The following DCP1A variants were observed in gnomAD, a reference collection of about 807,000 sequenced individuals.
DCP1A encodes mRNA-decapping enzyme 1A.
DCP1A carries 20 observed loss-of-function variants against 58.0 expected under a neutral mutation model. The ratio of observed to expected loss-of-function variants is 0.34; its 90% CI spans 0.24 to 0.50. The LOEUF (loss-of-function observed/expected upper bound fraction) is 0.50. DCP1A is among the 20% of genes least tolerant of loss of function. The pLI, the probability that DCP1A is intolerant of heterozygous loss-of-function variation, is 0.98. For synonymous variants in DCP1A, 285 were observed against 275.1 expected (o/e 1.04, Z -0.36); for missense variants, 613 against 712.2 (o/e 0.86, Z 1.59).
intron 5 of DCP1A, among the ~76,000 whole-genome samples, chr3:53,310,900 A>G (rs1707623725): frequency 6.6e-6 from 1 of 152,254 alleles, no homozygotes; most frequent in African/African-American, 2.4e-5. Context: ...TTTAGTCAGA[A>G]GAAACTATCT....
chr3:53,301,215 T>C (rs1261508943), intron 6 of DCP1A, among the ~76,000 whole-genome samples: 2 of 152,184 alleles, frequency 1.3e-5, no homozygotes, highest in African/African-American at 4.8e-5. Flanking sequence ...CATTTTTGGA[T>C]ACATTGTTGA....
chr3:53,336,668 T>C (rs2089121005), intron 3 of DCP1A, among the ~76,000 whole-genome samples: 1 of 152,074 alleles, frequency 6.6e-6, no homozygotes, highest in Non-Finnish European at 1.5e-5. Flanking sequence ...GGGATCTACA[T>C]TTGCTTCTGC....
rs782232472 is a variant in DCP1A at position 53,304,634 on chromosome 3, G to A, written c.511-344C>T. Among the ~76,000 whole-genome samples the A allele has an allele frequency of 1.0e-3, 155 of 152,108 alleles. 3 individuals carry two copies. Among genetic ancestry groups the A allele is most frequent in the South Asian group, 2.1e-3 (10 of 4,808 alleles). On this transcript the variant is annotated intron_variant, in intron 5 of 9. Transcript: ENST00000610213. ...GTTGCCCAGGCTGGACTGCAGTGGC[G>A]CAATCTTGGCTCACTACAACCTCTG...
rs1707394949 is a variant in DCP1A, at chr3:53,304,177, C to G, written c.624G>C (p.Lys208Asn). ...LEEMPSGSQD[K>N]SAPSGHKHLT... ...AAGCTAGAGCTTTAGCTGTACAAAC[C>G]TTATCCTGTGACCCGGAGGGCATTT... Residue 208 changes from lysine to asparagine, a missense_variant and splice_region_variant, in exon 6 of 10, where the codon AAG (lysine) becomes AAC (asparagine). Lys to Asn is a moderately conservative substitution (Grantham distance 94). Coordinates refer to ENST00000610213, the MANE Select transcript of DCP1A (RefSeq NM_018403.7). 6.2e-7 allele frequency: 1 copy of G among 1,608,752 alleles called. No homozygotes were observed.
At chr3:53,329,399 A>T (rs182866562) in intron 3 of DCP1A, 1 of 398,524 alleles carries the variant, frequency 2.5e-6, no homozygotes. Flanking sequence ...AGGAAAAGTG[A>T]TAAGTGAAGC....
intron 5 of DCP1A, among the ~76,000 whole-genome samples, chr3:53,306,423 T>C (rs1707472897): frequency 2.0e-5 from 3 of 152,132 alleles, no homozygotes; most frequent in Admixed American, 1.3e-4. Flanking sequence ...AAGGTATAAA[T>C]GTTCAGAAAC....
At chr3:53,329,557 G>A in intron 3 of DCP1A, 1 of 389,968 alleles carries the variant, frequency 2.6e-6, no homozygotes. Flanking sequence ...TAGACTAGTA[G>A]ATATATGACA....
chr3:53,296,191 G>A lies in DCP1A; in HGVS notation c.625-3364C>T, dbSNP rs182030373. Among the ~76,000 whole-genome samples, 568 of 152,068 alleles carry A rather than the reference G, an allele frequency of 3.7e-3. 1 individual carries two copies. Among genetic ancestry groups the A allele is most frequent in the Middle Eastern group, 0.01 (3 of 292 alleles). On this transcript the variant is annotated intron_variant, in intron 6 of 9. Coordinates refer to ENST00000610213, the MANE Select transcript of DCP1A (RefSeq NM_018403.7). ...ATTACAGGCATGAGCCACCGCGCCC[G>A]GCCCACCATGTGGTCTTAATAGCAA...
intron 3 of DCP1A, among the ~76,000 whole-genome samples, chr3:53,325,944 T>C (rs1708092564): frequency 6.6e-6 from 1 of 152,194 alleles, no homozygotes; most frequent in Non-Finnish European, 1.5e-5. Context: ...CTTAACCCTT[T>C]TGGCCAAAAA....
At chr3:53,330,368 CA>C (rs1194208598) in intron 3 of DCP1A, among the ~76,000 whole-genome samples, 2 of 151,914 alleles carry the variant, frequency 1.3e-5, no homozygotes, top group Admixed American at 1.3e-4. Context: ...CCTATCACTA[CA>C]AAAAATTTGC....
chr3:53,334,031 A>AAGG (rs75725688), intron 3 of DCP1A, among the ~76,000 whole-genome samples: 6 of 152,016 alleles, frequency 3.9e-5, no homozygotes, highest in Admixed American at 2.6e-4. Context: ...GGAGGCCAAG[A>AAGG]CAGGAGGATT....
Position 53,344,946 on chromosome 3 carries a change from T to C in DCP1A, c.136-4A>G. Reference sequence around the variant, plus strand: ...TCCCTTCTATATCAGTCTTCTCCTATGAAAGACAATGACTCAATTAGTTTT... The same window carrying C: ...TCCCTTCTATATCAGTCTTCTCCTACGAAAGACAATGACTCAATTAGTTTT... On this transcript the variant is annotated splice_polypyrimidine_tract_variant and splice_region_variant and intron_variant, in intron 1 of 9. Coordinates refer to ENST00000610213, the MANE Select transcript of DCP1A (RefSeq NM_018403.7). 6.2e-7 allele frequency: 1 copy of C among 1,600,942 alleles called. No homozygotes were observed. Among genetic ancestry groups the C allele is most frequent in the Non-Finnish European group, 8.5e-7 (1 of 1,174,482 alleles).
intron 4 of DCP1A, among the ~76,000 whole-genome samples, chr3:53,313,606 T>C (rs538111197): frequency 6.6e-6 from 1 of 152,254 alleles, no homozygotes; most frequent in South Asian, 2.1e-4. Context: ...TAAATTTTAA[T>C]AAAGCAACTT....
At chr3:53,315,954 C>T (rs1707799404) in intron 4 of DCP1A, among the ~76,000 whole-genome samples, 1 of 151,938 alleles carries the variant, frequency 6.6e-6, no homozygotes, top group Admixed American at 6.6e-5. Context: ...CGAGGTTTCA[C>T]CATATTGGCC....
intron 5 of DCP1A, among the ~76,000 whole-genome samples, chr3:53,308,648 C>G (rs531537862): frequency 5.3e-4 from 81 of 152,236 alleles, no homozygotes; most frequent in Non-Finnish European, 9.6e-4. Context: ...AGCTGGAATG[C>G]AGCAGTTCAA....
At chr3:53,296,864 T>A (rs1469974238) in intron 6 of DCP1A, among the ~76,000 whole-genome samples, 1 of 152,242 alleles carries the variant, frequency 6.6e-6, no homozygotes, top group African/African-American at 2.4e-5. Context: ...AGTATCTGTT[T>A]GAATGTCTGT....
Position 53,304,215 on chromosome 3 carries a change from C to T in DCP1A, c.586G>A (p.Glu196Lys), listed in dbSNP as rs781928225. The stretch of plus-strand genomic sequence containing the variant: ...CCGGAGGGCATTTCTTCTAGAGTCT[C>T]GGTGCTTCCCAGATTGGAGAGCTGA... ...STQLSNLGST[E>K]TLEEMPSGSQ... Residue 196 changes from glutamate (E) to lysine (K), a missense_variant, in exon 6 of 10, where the codon GAG (glutamate) becomes AAG (lysine). This residue lies in a region of DCP1A where 498 missense variants were observed against 556.7 expected (regional missense o/e 0.89). Coordinates refer to ENST00000610213, the MANE Select transcript of DCP1A (RefSeq NM_018403.7). 25 of 1,613,578 alleles carry T rather than the reference C, an allele frequency of 1.5e-5. No homozygotes were observed. In the South Asian group the frequency reaches 1.6e-4, roughly 11 times the overall value.
chr3:53,339,777 C>T (rs2089172627), intron 3 of DCP1A, among the ~76,000 whole-genome samples: 1 of 152,020 alleles, frequency 6.6e-6, no homozygotes, highest in Non-Finnish European at 1.5e-5. Context: ...TAACTGGGTC[C>T]GGATAACTTT....
chr3:53,284,854 T>G lies in DCP1A; in HGVS notation c.*2726A>C, dbSNP rs560436893. 6.6e-5 allele frequency: 10 copies of G among 152,164 alleles called. No homozygotes were observed. The highest frequency in any genetic ancestry group is 1.3e-4 in the Non-Finnish European group (9 of 68,062). The allele number at this position is 152,164 out of a possible 1,614,324, so 9.4% of individuals were successfully genotyped here. On this transcript the variant is annotated 3_prime_UTR_variant, in exon 10 of 10. Transcript: ENST00000610213. ...ACATGTGGACAGCATGAAATGCTTCTTCTGACACTGAGAGTCACTTGAAAA... is the reference window on the plus strand; with the variant it reads ...ACATGTGGACAGCATGAAATGCTTCGTCTGACACTGAGAGTCACTTGAAAA...
Sources: gnomAD v4.1 joint callset for allele counts (sites outside exome capture counted in the v4.1 genomes callset) on GRCh38, gnomAD v4.1.1 for gene constraint, gnomAD v4.1.1 regional missense constraint, MANE v1.5 for transcripts, NCBI Gene and HGNC (gene_info 2026-07-23, HGNC 2026-07-21) for gene names.